Variants in SCML4 observed in about 807,000 individuals in gnomAD.
SCML4 encodes the protein Scm polycomb group protein like 4.
A neutral mutation model predicts 41.1 loss-of-function variants in SCML4; 34 were observed. That is an observed-to-expected ratio of 0.83 (90% CI 0.63 to 1.10). The LOEUF is 1.10. Among genes scored for constraint, SCML4 ranks in the 50% least tolerant of loss-of-function variants. The pLI, the probability that SCML4 is intolerant of heterozygous loss-of-function variation, is 0.00. For synonymous variants in SCML4, 214 were observed against 220.9 expected (o/e 0.97, Z 0.28); for missense variants, 522 against 534.1 (o/e 0.98, Z 0.22).
chr6:107,711,983 T>C (rs1007222510), intron 6 of SCML4, among the ~76,000 whole-genome samples: 1 of 152,210 alleles, frequency 6.6e-6, no homozygotes, highest in Non-Finnish European at 1.5e-5. Context: ...AGATCTTCCC[T>C]GCCTCTTCCT....
chr6:107,836,591 G>A, the SCML4 span, among the ~76,000 whole-genome samples: 160 of 152,244 alleles, frequency 1.1e-3, no homozygotes, highest in Non-Finnish European at 1.5e-3. Flanking sequence ...ATTGTTCACC[G>A]CCTGGTTCAG....
At chr6:107,763,437 A>C (rs1779776522) in intron 2 of SCML4, among the ~76,000 whole-genome samples, 1 of 147,684 alleles carries the variant, frequency 6.8e-6, no homozygotes, top group Admixed American at 6.8e-5. Context: ...TCCAGGTTGG[A>C]GTGCAGTGGC....
chr6:107,750,609 C>T (rs1778531644), intron 2 of SCML4, among the ~76,000 whole-genome samples: 1 of 152,186 alleles, frequency 6.6e-6, no homozygotes, highest in African/African-American at 2.4e-5. Context: ...TCACTCTAGA[C>T]CGATTAAGTC....
intron 1 of SCML4, among the ~76,000 whole-genome samples, chr6:107,774,479 C>T (rs1405868647): frequency 2.6e-5 from 4 of 152,102 alleles, no homozygotes; most frequent in African/African-American, 9.7e-5. Context: ...CAAAAAGAGG[C>T]TACTAAAAAC....
intron 1 of SCML4, among the ~76,000 whole-genome samples, chr6:107,800,330 C>T (rs1783022511): frequency 1.3e-5 from 2 of 152,294 alleles, no homozygotes; most frequent in African/African-American, 4.8e-5. Flanking sequence ...GCCCTTTTCT[C>T]TATCTAGGGG....
chr6:107,719,537 G>C (rs1177397836), intron 6 of SCML4: 1 of 152,246 alleles, frequency 6.6e-6, no homozygotes. Context: ...AGACTCCTTG[G>C]CCTGGGGCCT....
chr6:107,751,572 A>ATCTTCCTTTCTTTCTT (rs1397888384), intron 2 of SCML4, among the ~76,000 whole-genome samples: 1 of 87,670 alleles, frequency 1.1e-5, no homozygotes, highest in African/African-American at 4.4e-5. Flanking sequence ...CATTTTAACA[A>ATCTTCCTTTCTTTCTT]TCTTTCTTTC....
chr6:107,765,755 T>C (rs906679043), intron 2 of SCML4, among the ~76,000 whole-genome samples: 23 of 152,354 alleles, frequency 1.5e-4, no homozygotes, highest in African/African-American at 5.5e-4. Flanking sequence ...TGTACATCTT[T>C]TCCCAAATCC....
At chr6:107,760,334 A>G (rs1779485401) in intron 2 of SCML4, among the ~76,000 whole-genome samples, 1 of 152,234 alleles carries the variant, frequency 6.6e-6, no homozygotes, top group African/African-American at 2.4e-5. Flanking sequence ...AATCTGGGCC[A>G]TGGGCATTGC....
intron 6 of SCML4, among the ~76,000 whole-genome samples, chr6:107,711,905 A>C (rs896550000): frequency 6.6e-6 from 1 of 152,176 alleles, no homozygotes; most frequent in African/African-American, 2.4e-5. Context: ...ACTGAGGAGA[A>C]TACAGCATCA....
intron 1 of SCML4, among the ~76,000 whole-genome samples, chr6:107,773,764 G>C (rs1184240926): frequency 6.6e-6 from 1 of 152,134 alleles, no homozygotes; most frequent in Non-Finnish European, 1.5e-5. Context: ...TTTAGACTTT[G>C]ATTCAGGGGT....
chr6:107,833,340 C>T, the SCML4 span, among the ~76,000 whole-genome samples: 5 of 152,118 alleles, frequency 3.3e-5, no homozygotes, highest in Admixed American at 1.3e-4. Flanking sequence ...GGTTAAGAGC[C>T]GGGCCTTACC....
At chr6:107,730,662 AG>A (rs1776447020) in intron 5 of SCML4, among the ~76,000 whole-genome samples, 1 of 152,236 alleles carries the variant, frequency 6.6e-6, no homozygotes, top group South Asian at 2.1e-4. Flanking sequence ...GCCCCATCAA[AG>A]AAATCTGCCA....
At chr6:107,764,046 G>GTCTTCATACAAAA (rs1779840547) in intron 2 of SCML4, among the ~76,000 whole-genome samples, 1 of 152,188 alleles carries the variant, frequency 6.6e-6, no homozygotes, top group Admixed American at 6.5e-5. Context: ...CTGAGGAGAT[G>GTCTTCATACAAAA]CTCCAGGGGA....
chr6:107,801,834 G>A (rs985840898), intron 1 of SCML4, among the ~76,000 whole-genome samples: 33 of 151,422 alleles, frequency 2.2e-4, no homozygotes, highest in African/African-American at 7.5e-4. Context: ...GCTGGATCTC[G>A]GCTCACCACA....
chr6:107,755,604 G>C, intron 2 of SCML4: 5 of 1,346,464 alleles, frequency 3.7e-6, no homozygotes, highest in Non-Finnish European at 4.9e-6. Context: ...TTCTCTGCCT[G>C]TCGCAACCTA....
chr6:107,749,216 A>G (rs1027217615), intron 3 of SCML4, among the ~76,000 whole-genome samples: 2 of 152,078 alleles, frequency 1.3e-5, no homozygotes, highest in Non-Finnish European at 2.9e-5. Context: ...TGGATGCCCC[A>G]CCATAGACAG....
At chr6:107,765,317 G>A (rs1328158213) in intron 2 of SCML4, among the ~76,000 whole-genome samples, 1 of 152,208 alleles carries the variant, frequency 6.6e-6, no homozygotes, top group Non-Finnish European at 1.5e-5. Context: ...GAGCTCAGCA[G>A]AACTCTGATC....
At chr6:107,788,636 T>A (rs75062177) in intron 1 of SCML4, among the ~76,000 whole-genome samples, 1 of 152,118 alleles carries the variant, frequency 6.6e-6, no homozygotes, top group Non-Finnish European at 1.5e-5. Flanking sequence ...ATGATGCCCA[T>A]CTCATGGGGG....
Sources: allele counts gnomAD v4.1 joint callset (sites outside exome capture counted in the v4.1 genomes callset), GRCh38; gene constraint gnomAD v4.1.1; transcripts MANE v1.5; gene names NCBI Gene and HGNC (gene_info 2026-07-23, HGNC 2026-07-21).